The following NCOR1 variants were observed in gnomAD, a reference collection of about 807,000 sequenced individuals.
NCOR1 encodes the protein nuclear receptor corepressor 1, also known as protein phosphatase 1, regulatory subunit 109.
NCOR1 carries 63 observed loss-of-function variants against 288.1 expected under a neutral mutation model. The observed-to-expected ratio is 0.22, with a 90% confidence interval of 0.18 to 0.27. The LOEUF (loss-of-function observed/expected upper bound fraction) is 0.27, where lower values mean the gene tolerates loss of function less well. Ranked by LOEUF, NCOR1 falls within the 10% of genes least tolerant of loss-of-function variation. NCOR1 has a pLI of 1.00. For missense variants in NCOR1, 2,397 were observed against 3,019.2 expected, an observed-to-expected ratio of 0.79 and a Z score of 4.83; for synonymous variants, 1,007 against 1,065.9, an observed-to-expected ratio of 0.94 and a Z score of 1.08.
intron 42 of NCOR1, among the ~76,000 whole-genome samples, chr17:16,045,964 C>G (rs1413972792): frequency 6.6e-6 from 1 of 152,098 alleles, no homozygotes; most frequent in Admixed American, 6.5e-5. Context: ...GGGATGTATA[C>G]CACCGCACCC....
chr17:16,199,079 T>C (rs1370626090), intron 1 of NCOR1, among the ~76,000 whole-genome samples: 1 of 151,966 alleles, frequency 6.6e-6, no homozygotes, highest in Non-Finnish European at 1.5e-5. Flanking sequence ...TGTCCATTTT[T>C]TCCCTCATCT....
chr17:16,065,748 T>G (rs1285834744), intron 32 of NCOR1, 54 bp from the exon 33 acceptor site: 26 of 1,504,104 alleles, frequency 1.7e-5, no homozygotes, highest in Non-Finnish European at 2.3e-5. Context: ...TGAAATACAT[T>G]TGCTAAACAC....
intron 8 of NCOR1, 129 bp downstream of exon 8, chr17:16,151,817 G>T: frequency 1.0e-6 from 1 of 955,908 alleles, no homozygotes; most frequent in South Asian, 1.5e-5. Flanking sequence ...ATAATAAAAC[G>T]ACAGCAAATT....
At chr17:16,166,522 A>G (rs1400208665) in intron 4 of NCOR1, among the ~76,000 whole-genome samples, 1 of 152,098 alleles carries the variant, frequency 6.6e-6, no homozygotes, top group South Asian at 2.1e-4. Context: ...CTACTAAAAA[A>G]TACAAAAATT....
chr17:16,083,760 T>C (rs752128330), intron 23 of NCOR1, among the ~76,000 whole-genome samples: 12 of 152,302 alleles, frequency 7.9e-5, no homozygotes, highest in South Asian at 2.1e-4. Context: ...CACCCACCTC[T>C]TCCCCACAAC....
At position 16,186,538 on chromosome 17, in the gene NCOR1, A is replaced by G; in HGVS notation, c.242+16T>C. The G allele has an allele frequency of 1.2e-6, 2 of 1,607,624 alleles. No individual in the cohort carries two copies. Among genetic ancestry groups the G allele is most frequent in the Non-Finnish European group, 1.7e-6 (2 of 1,177,946 alleles). On this transcript the variant is annotated intron_variant, in intron 3 of 45. Coordinates refer to ENST00000268712, the MANE Select transcript of NCOR1 (RefSeq NM_006311.4). Reference sequence around the variant, plus strand: ...AATTATAATCCTAGATAGAAACATAAAAGAAACCTCATTACCTGTCAGAAC... The same window carrying G: ...AATTATAATCCTAGATAGAAACATAGAAGAAACCTCATTACCTGTCAGAAC...
At chr17:16,092,647 T>TTTTATATATATATATATA (rs1340274279) in intron 21 of NCOR1, among the ~76,000 whole-genome samples, 2 of 32,134 alleles carry the variant, frequency 6.2e-5, no homozygotes, top group African/African-American at 2.6e-4. Flanking sequence ...TCAGATCCAT[T>TTTTATATATATATATATA]TATATATATA....
intron 18 of NCOR1, among the ~76,000 whole-genome samples, chr17:16,110,167 C>A (rs2069725981): frequency 6.6e-6 from 1 of 152,152 alleles, no homozygotes; most frequent in Non-Finnish European, 1.5e-5. Flanking sequence ...TTAGCCTGCG[C>A]AACAAAGTTG....
At chr17:16,151,861 A>C in intron 8 of NCOR1, 85 bp downstream of exon 8, 1 of 1,052,914 alleles carries the variant, frequency 9.5e-7, no homozygotes, top group Non-Finnish European at 1.4e-6. Context: ...AATATATTAT[A>C]ATAATGTCAG....
chr17:16,080,196 G>A lies in NCOR1; in HGVS notation c.3401-132C>T, dbSNP rs534953951. The A allele has an allele frequency of 9.4e-5, 78 of 830,072 alleles. No individual in the cohort carries two copies. The African/African-American group carries it at 9.5e-4, about 10-fold the overall frequency. 51.4% of individuals were successfully genotyped at this position (830,072 alleles called of 1,614,324 possible). Reference sequence around the variant, plus strand: ...AAGCAGCACAAAACCCATCATGTTTGTTTTATTAAAATGTACTTCCAAAAT... The same window carrying A: ...AAGCAGCACAAAACCCATCATGTTTATTTTATTAAAATGTACTTCCAAAAT... On this transcript the variant is annotated intron_variant, in intron 25 of 45. Transcript: ENST00000268712.
intron 23 of NCOR1, 22 bp from the exon 24 acceptor site, chr17:16,080,749 A>T (rs1465513027): frequency 2.5e-6 from 4 of 1,598,160 alleles, no homozygotes; most frequent in East Asian, 2.2e-5. Flanking sequence ...ACAAAAAAAA[A>T]TTTAAAGATT....
intron 4 of NCOR1, among the ~76,000 whole-genome samples, chr17:16,169,986 A>G (rs904877520): frequency 5.3e-5 from 8 of 152,312 alleles, no homozygotes; most frequent in African/African-American, 1.9e-4. Flanking sequence ...ATTTTTCCCC[A>G]TCCAACTTAC....
At chr17:16,129,970 GA>G (rs1367397102) in intron 14 of NCOR1, among the ~76,000 whole-genome samples, 1 of 152,126 alleles carries the variant, frequency 6.6e-6, no homozygotes, top group Non-Finnish European at 1.5e-5. Context: ...TGGTGCTAGG[GA>G]ATAAGAAACA....
chr17:16,084,929 T>C (rs750780274), intron 23 of NCOR1, among the ~76,000 whole-genome samples: 12 of 151,968 alleles, frequency 7.9e-5, no homozygotes, highest in Non-Finnish European at 1.2e-4. Flanking sequence ...AAACTAATCA[T>C]AGGAGAAAAA....
Position 16,139,021 on chromosome 17 carries a change from T to C in NCOR1, c.1339A>G (p.Ile447Val). Reference protein sequence around the residue: ...MNVWTDHEKEIFKDKFIQHPK... With the variant: ...MNVWTDHEKEVFKDKFIQHPK... ...AATATAAATTACTTGTCCTTAAAGATCTCCTTTTCATGGTCAGTCCAAACA... is the reference window on the plus strand; with the variant it reads ...AATATAAATTACTTGTCCTTAAAGACCTCCTTTTCATGGTCAGTCCAAACA... Residue 447 changes from isoleucine to valine, a missense_variant, in exon 12 of 46, where the codon ATC becomes GTC. This residue lies in a region of NCOR1 where 80 missense variants were observed against 100.3 expected (regional missense o/e 0.80). Transcript: ENST00000268712. The C allele has an allele frequency of 6.4e-7, 1 of 1,562,768 alleles. No individual in the cohort carries two copies. The highest frequency in any genetic ancestry group is 1.2e-5 in the South Asian group (1 of 84,404).
intron 3 of NCOR1, among the ~76,000 whole-genome samples, chr17:16,183,198 TAGTACTAGA>T (rs1202486338): frequency 7.2e-5 from 7 of 96,712 alleles, no homozygotes; most frequent in Non-Finnish European, 1.2e-4. Flanking sequence ...CTAATCAACA[TAGTACTAGA>T]AGTACTAGCA....
At chr17:16,165,920 C>T (rs2081926233) in intron 4 of NCOR1, among the ~76,000 whole-genome samples, 1 of 152,130 alleles carries the variant, frequency 6.6e-6, no homozygotes, top group Non-Finnish European at 1.5e-5. Flanking sequence ...ACTAATTTTA[C>T]TTAGACTATG....
chr17:16,092,691 ATATATTTTTTTTT>A (rs1188311668), intron 21 of NCOR1, among the ~76,000 whole-genome samples: 140 of 10,818 alleles, frequency 0.013, 3 homozygotes, highest in African/African-American at 0.036. Flanking sequence ...ATATATATAT[ATATATTTTTTTTT>A]TTTTTTTTTT....
chr17:16,108,960 A>G (rs2153057735), intron 18 of NCOR1, 48 bp from the exon 19 acceptor site: 2 of 1,457,324 alleles, frequency 1.4e-6, no homozygotes, highest in Non-Finnish European at 1.8e-6. Flanking sequence ...AAAAAGAAAA[A>G]AAAATTCATT....
Sources: allele counts gnomAD v4.1 joint callset (sites outside exome capture counted in the v4.1 genomes callset), GRCh38; gene constraint gnomAD v4.1.1; regional missense constraint gnomAD v4.1.1; transcripts MANE v1.5; gene names NCBI Gene and HGNC (gene_info 2026-07-23, HGNC 2026-07-21).